DEPDC5: variants seen among roughly 807,000 people sequenced by gnomAD.
DEPDC5 encodes the protein GATOR1 complex protein DEPDC5.
A neutral mutation model predicts 217.3 loss-of-function variants in DEPDC5; 73 were observed. The observed-to-expected ratio is 0.34, with a 90% confidence interval of 0.28 to 0.41. The LOEUF is 0.41. Ranked by LOEUF, DEPDC5 falls within the 10% of genes least tolerant of loss-of-function variation. The pLI is 1.00. For missense variants in DEPDC5, 1,675 were observed against 2,070.1 expected, an observed-to-expected ratio of 0.81 and a Z score of 3.70; for synonymous variants, 733 against 756.7, an observed-to-expected ratio of 0.97 and a Z score of 0.51.
At chr22:31,874,468 T>C in intron 36 of DEPDC5, 63 bp downstream of exon 36, 1 of 1,527,064 alleles carries the variant, frequency 6.5e-7, no homozygotes, top group Non-Finnish European at 8.8e-7. Context: ...AGGGCCTGCC[T>C]TAGAAGCCAT....
At chr22:31,853,758 G>T (rs1045965983) in intron 31 of DEPDC5, among the ~76,000 whole-genome samples, 1 of 152,176 alleles carries the variant, frequency 6.6e-6, no homozygotes, top group Admixed American at 6.5e-5. Flanking sequence ...TGGGCAGCAG[G>T]TGCTGGCCAG....
chr22:31,856,408 G>A (rs2092303912), intron 31 of DEPDC5, among the ~76,000 whole-genome samples: 1 of 152,110 alleles, frequency 6.6e-6, no homozygotes, highest in South Asian at 2.1e-4. Flanking sequence ...ATCACAAGAA[G>A]TAATATATAT....
chr22:31,795,955 C>G (rs2086197584), intron 12 of DEPDC5, among the ~76,000 whole-genome samples: 1 of 151,986 alleles, frequency 6.6e-6, no homozygotes, highest in Non-Finnish European at 1.5e-5. Flanking sequence ...ATCTCAAACT[C>G]CCGACCTCAG....
intron 14 of DEPDC5, among the ~76,000 whole-genome samples, chr22:31,800,951 G>A (rs1034744599): frequency 6.6e-6 from 1 of 151,492 alleles, no homozygotes; most frequent in East Asian, 1.9e-4. Flanking sequence ...ACTCCAACCT[G>A]GTTGATAGAA....
chr22:31,764,743 C>G (rs2082672596), intron 4 of DEPDC5, among the ~76,000 whole-genome samples: 1 of 152,078 alleles, frequency 6.6e-6, no homozygotes, highest in African/African-American at 2.4e-5. Context: ...TTTATTTTCC[C>G]TCCCTTCTCC....
At chr22:31,888,343 G>A (rs1322009990) in intron 38 of DEPDC5, among the ~76,000 whole-genome samples, 2 of 134,492 alleles carry the variant, frequency 1.5e-5, no homozygotes, top group African/African-American at 2.8e-5. Flanking sequence ...TCCGCCTCCC[G>A]GTTTCAAGCA....
intron 36 of DEPDC5, 134 bp from the exon 37 acceptor site, chr22:31,876,023 C>A: frequency 1.5e-6 from 1 of 655,988 alleles, no homozygotes; most frequent in Non-Finnish European, 2.7e-6. Flanking sequence ...TCAAGTACAA[C>A]ATGTCTAATC....
intron 38 of DEPDC5, among the ~76,000 whole-genome samples, chr22:31,882,797 T>C (rs1407975010): frequency 1.3e-5 from 2 of 152,142 alleles, no homozygotes; most frequent in African/African-American, 4.8e-5. Context: ...CTTCTCTTCT[T>C]TTTAAAAATA....
At chr22:31,833,391 A>G (rs1299043839) in intron 24 of DEPDC5, among the ~76,000 whole-genome samples, 1 of 152,214 alleles carries the variant, frequency 6.6e-6, no homozygotes, top group Non-Finnish European at 1.5e-5. Flanking sequence ...GTCCTGTGTC[A>G]TATTGTAGAA....
At chr22:31,889,063 C>T (rs954351361) in intron 38 of DEPDC5, among the ~76,000 whole-genome samples, 2 of 152,198 alleles carry the variant, frequency 1.3e-5, no homozygotes, top group African/African-American at 4.8e-5. Flanking sequence ...ACTCCCCTAC[C>T]TGGGGTTGCA....
rs1291071355 is a variant in DEPDC5 at position 31,792,666 on chromosome 22, T to G, written c.695-79T>G. The stretch of plus-strand genomic sequence containing the variant: ...TCTTTATTTTTTTGTGATGCAAATC[T>G]TTAACCCAGAAGAGGAAGCTGACAA... On this transcript the variant is annotated intron_variant, in intron 11 of 42. Transcript: ENST00000651528. The G allele has an allele frequency of 6.0e-6, 6 of 992,772 alleles. No homozygotes were observed. In the East Asian group the frequency reaches 1.9e-4, roughly 31 times the overall value. 61.5% of individuals were successfully genotyped at this position (992,772 alleles called of 1,614,324 possible). A position where few individuals can be genotyped will look rare whatever the true frequency, so the allele number is the denominator to read the frequency against.
chr22:31,899,886 C>G (rs1226023357), intron 40 of DEPDC5, among the ~76,000 whole-genome samples: 7 of 152,134 alleles, frequency 4.6e-5, no homozygotes, highest in Non-Finnish European at 1.0e-4. Context: ...CCTTCCCCAG[C>G]CCTCCACAGC....
rs547504469 is a variant in DEPDC5 at position 31,832,865 on chromosome 22, G to C, written c.2105-1050G>C. On this transcript the variant is annotated intron_variant, in intron 24 of 42. Transcript: ENST00000651528. ...TGCAAGTGCTTTCTGTCATGTTGTA[G>C]ATTGTTTTTTCAAAGCTTTCACAAG... 2.2e-4 allele frequency among the ~76,000 whole-genome samples: 34 copies of C among 152,274 alleles called. No individual in the cohort carries two copies. The South Asian group carries it at 6.4e-3, about 29-fold the overall frequency.
At chr22:31,835,909 G>A (rs1489037311) in intron 25 of DEPDC5, among the ~76,000 whole-genome samples, 1 of 152,232 alleles carries the variant, frequency 6.6e-6, no homozygotes, top group African/African-American at 2.4e-5. Flanking sequence ...CGGGAGGGCT[G>A]ATGAGGCAGC....
chr22:31,772,799 T>C (rs2083473875), intron 7 of DEPDC5, among the ~76,000 whole-genome samples: 1 of 151,604 alleles, frequency 6.6e-6, no homozygotes, highest in Admixed American at 6.6e-5. Flanking sequence ...ATATTATTTC[T>C]GAGACAGAGT....
intron 14 of DEPDC5, among the ~76,000 whole-genome samples, chr22:31,801,857 A>G (rs939318161): frequency 6.6e-6 from 1 of 152,164 alleles, no homozygotes; most frequent in Admixed American, 6.6e-5. Context: ...AATGTCTTCT[A>G]TTAGTAAATC....
At chr22:31,757,748 C>T (rs1569506412) in intron 2 of DEPDC5, among the ~76,000 whole-genome samples, 2 of 152,020 alleles carry the variant, frequency 1.3e-5, no homozygotes. Flanking sequence ...AAACATGAAA[C>T]CACATCCCTC....
intron 3 of DEPDC5, among the ~76,000 whole-genome samples, chr22:31,759,244 T>A (rs947805603): frequency 6.6e-6 from 1 of 152,020 alleles, no homozygotes; most frequent in Non-Finnish European, 1.5e-5. Context: ...ATTTTTGTGT[T>A]TTTTAGTAGA....
At chr22:31,872,182 G>A (rs963741017) in intron 34 of DEPDC5, among the ~76,000 whole-genome samples, 4 of 152,106 alleles carry the variant, frequency 2.6e-5, no homozygotes, top group East Asian at 1.9e-4. Context: ...TATTAAGCAC[G>A]TTTTAAGGGA....
Sources: allele counts gnomAD v4.1 joint callset (sites outside exome capture counted in the v4.1 genomes callset), GRCh38; gene constraint gnomAD v4.1.1; transcripts MANE v1.5; gene names NCBI Gene and HGNC (gene_info 2026-07-23, HGNC 2026-07-21).